Variants in ZNF292 observed in about 807,000 individuals in gnomAD.
The protein encoded by ZNF292 is 16 zinc-finger domain protein.
In ZNF292, 26 loss-of-function variants were observed where a neutral mutation model predicts 217.9. The observed-to-expected ratio is 0.12, with a 90% CI of 0.09 to 0.17. The LOEUF (loss-of-function observed/expected upper bound fraction) is 0.17, where lower values mean the gene tolerates loss of function less well. Ranked by LOEUF, ZNF292 falls within the 10% of genes least tolerant of loss-of-function variation. The probability of loss-of-function intolerance (pLI) is 1.00; values close to 1 mark genes in which losing one functional copy is unlikely to be tolerated. For synonymous variants in ZNF292, 1,257 were observed against 1,124.1 expected (o/e 1.12, Z -2.37); for missense variants, 2,904 against 3,175.2 (o/e 0.91, Z 2.05).
At chr6:87,212,926 A>G (rs1229798461) in intron 1 of ZNF292, among the ~76,000 whole-genome samples, 1 of 152,218 alleles carries the variant, frequency 6.6e-6, no homozygotes, top group Non-Finnish European at 1.5e-5. Context: ...GGCTGTTTAG[A>G]AGAAAGTTAA....
At chr6:87,252,446 A>G (rs1489414249) in intron 7 of ZNF292, among the ~76,000 whole-genome samples, 2 of 152,112 alleles carry the variant, frequency 1.3e-5, no homozygotes, top group Non-Finnish European at 1.5e-5. Context: ...GAGCCACCAC[A>G]CCAGGCCTCT....
At chr6:87,208,040 G>A (rs901702957) in intron 1 of ZNF292, among the ~76,000 whole-genome samples, 1 of 152,054 alleles carries the variant, frequency 6.6e-6, no homozygotes, top group African/African-American at 2.4e-5. Flanking sequence ...ACGTATGTCC[G>A]AAAATGACTT....
At chr6:87,249,349 A>G in intron 7 of ZNF292, 3 of 428,942 alleles carry the variant, frequency 7.0e-6, no homozygotes, top group South Asian at 1.7e-5. Flanking sequence ...TTTATCTCCA[A>G]CTCCTGGGCT....
Position 87,259,464 on chromosome 6 carries a change from T to A in ZNF292, c.5835T>A (p.Ala1945=), listed in dbSNP as rs750178334. ...TTAAGAAGAATCAATTGAAATTTGC[T>A]CCCTTTAAATGTGTAGTACCTACAT... The part of the protein sequence containing the change: ...LEIKKNQLKF[A]PFKCVVPTCT... The change falls in exon 8 of 8, where the codon GCT becomes GCA. Residue 1945 remains alanine, a synonymous_variant. Transcript: ENST00000369577. 7.6e-6 allele frequency: 12 copies of A among 1,588,688 alleles called. No individual in the cohort carries two copies. The highest frequency in any genetic ancestry group is 1.7e-4 in the Middle Eastern group (1 of 6,026).
chr6:87,240,344 A>G (rs1165730395), intron 5 of ZNF292, among the ~76,000 whole-genome samples: 29 of 141,874 alleles, frequency 2.0e-4, no homozygotes, highest in Non-Finnish European at 3.1e-5. Context: ...AGACCGTGGA[A>G]AGAGAGGGAG....
At chr6:87,188,849 T>A (rs1046634852) in intron 1 of ZNF292, among the ~76,000 whole-genome samples, 2 of 151,954 alleles carry the variant, frequency 1.3e-5, no homozygotes, top group Non-Finnish European at 2.9e-5. Context: ...AAGACTTTTT[T>A]AATACAATGC....
At chr6:87,204,053 C>G (rs756347650) in intron 1 of ZNF292, among the ~76,000 whole-genome samples, 1 of 152,146 alleles carries the variant, frequency 6.6e-6, no homozygotes, top group Non-Finnish European at 1.5e-5. Context: ...GCTGTTCTCA[C>G]TAAAAATGCG....
At chr6:87,236,723 G>A (rs1003779725) in intron 5 of ZNF292, among the ~76,000 whole-genome samples, 5 of 152,042 alleles carry the variant, frequency 3.3e-5, no homozygotes, top group Non-Finnish European at 7.4e-5. Flanking sequence ...ATTCTTCTAT[G>A]CACATACATG....
intron 1 of ZNF292, among the ~76,000 whole-genome samples, chr6:87,215,566 A>G (rs1772711467): frequency 6.6e-6 from 1 of 152,160 alleles, no homozygotes; most frequent in Non-Finnish European, 1.5e-5. Flanking sequence ...TCTTCACTGC[A>G]TGCCTGGTCA....
rs1775156242 is a variant in ZNF292, at chr6:87,255,442, C to T, written c.1813C>T (p.Pro605Ser). The change falls in exon 8 of 8, where the codon CCA becomes TCA. Residue 605 changes from proline (P) to serine (S), a missense_variant. Coordinates refer to ENST00000369577, the MANE Select transcript of ZNF292 (RefSeq NM_015021.3). ...SSKERLAAMK[P>S]LRRLGRPPKI... ...TAAAGAGAGACTAGCAGCTATGAAACCATTAAGAAGATTGGGAAGGCCTCC... is the reference window on the plus strand; with the variant it reads ...TAAAGAGAGACTAGCAGCTATGAAATCATTAAGAAGATTGGGAAGGCCTCC... 6 of 1,613,602 alleles carry T rather than the reference C, an allele frequency of 3.7e-6. No homozygotes were observed. Among genetic ancestry groups the T allele is most frequent in the Non-Finnish European group, 5.1e-6 (6 of 1,179,794 alleles).
intron 1 of ZNF292, among the ~76,000 whole-genome samples, chr6:87,171,757 A>G (rs370358424): frequency 6.6e-6 from 1 of 152,200 alleles, no homozygotes; most frequent in African/African-American, 2.4e-5. Context: ...CAAGGGCTGT[A>G]TACTCACATG....
At position 87,258,897 on chromosome 6, in the gene ZNF292, A is replaced by G; in HGVS notation, c.5268A>G (p.Glu1756=). ...AAGACAATGTTATACAAAACTTTGA[A>G]AAGACTCTTGAAATTATTAAAACTG... The part of the protein sequence containing the change: ...ISEDNVIQNF[E]KTLEIIKTAM... Residue 1756 remains glutamate (E), a synonymous_variant, in exon 8 of 8, where the codon GAA becomes GAG. Coordinates refer to ENST00000369577, the MANE Select transcript of ZNF292 (RefSeq NM_015021.3). 1 of 1,606,876 alleles carries G rather than the reference A, an allele frequency of 6.2e-7. No homozygotes were observed. The highest frequency in any genetic ancestry group is 1.1e-5 in the South Asian group (1 of 90,326).
At chr6:87,158,606 A>G (rs1356689670) in intron 1 of ZNF292, among the ~76,000 whole-genome samples, 1 of 152,218 alleles carries the variant, frequency 6.6e-6, no homozygotes, top group Non-Finnish European at 1.5e-5. Context: ...CCCGGGAGGC[A>G]GAGGTTGCAG....
At chr6:87,224,748 T>A (rs1475124114) in intron 4 of ZNF292, among the ~76,000 whole-genome samples, 1 of 152,160 alleles carries the variant, frequency 6.6e-6, no homozygotes, top group African/African-American at 2.4e-5. Flanking sequence ...CTAAACAAAC[T>A]GTGGTACAGC....
At chr6:87,230,958 A>G (rs984113612) in intron 4 of ZNF292, among the ~76,000 whole-genome samples, 2 of 152,184 alleles carry the variant, frequency 1.3e-5, no homozygotes, top group African/African-American at 2.4e-5. Context: ...AATATTTTAT[A>G]CTTTGTGGGA....
intron 4 of ZNF292, among the ~76,000 whole-genome samples, chr6:87,232,229 C>T (rs933332704): frequency 6.6e-6 from 1 of 152,066 alleles, no homozygotes; most frequent in African/African-American, 2.4e-5. Context: ...ATGATCATAG[C>T]ATTTTATAGA....
chr6:87,227,439 G>GT (rs1341252979), intron 4 of ZNF292, among the ~76,000 whole-genome samples: 2 of 148,308 alleles, frequency 1.3e-5, no homozygotes, highest in African/African-American at 2.6e-5. Flanking sequence ...TTTAATTGTG[G>GT]TAAAAAAAAA....
intron 1 of ZNF292, among the ~76,000 whole-genome samples, chr6:87,164,467 G>A (rs1050295037): frequency 6.6e-6 from 1 of 152,136 alleles, no homozygotes. Context: ...CATACTATGG[G>A]TACAGGGAGA....
intron 1 of ZNF292, among the ~76,000 whole-genome samples, chr6:87,177,015 C>T (rs542089181): frequency 5.3e-5 from 8 of 152,188 alleles, no homozygotes; most frequent in African/African-American, 1.9e-4. Flanking sequence ...CCACTCCTCC[C>T]CACAGACACA....
Sources: gnomAD v4.1 joint callset for allele counts (sites outside exome capture counted in the v4.1 genomes callset) on GRCh38, gnomAD v4.1.1 for gene constraint, MANE v1.5 for transcripts, NCBI Gene and HGNC (gene_info 2026-07-23, HGNC 2026-07-21) for gene names.